DRC1: variants seen among roughly 807,000 people sequenced by gnomAD.
DRC1 encodes dynein regulatory complex protein 1.
In DRC1, 74 loss-of-function variants were observed where a neutral mutation model predicts 98.7. The observed-to-expected ratio is 0.75, with a 90% CI of 0.62 to 0.91. DRC1 has a LOEUF of 0.91. DRC1 is among the 40% of genes least tolerant of loss of function. The pLI, the probability that DRC1 is intolerant of heterozygous loss-of-function variation, is 0.00. For missense variants in DRC1, 875 were observed against 886.0 expected, an observed-to-expected ratio of 0.99 and a Z score of 0.16; for synonymous variants, 336 against 334.1, an observed-to-expected ratio of 1.01 and a Z score of -0.06.
At position 26,402,158 on chromosome 2, in the gene DRC1, C is replaced by A. The variant is rs1442260199; in HGVS notation, c.155+14C>A. 2 of 1,569,864 alleles carry A rather than the reference C, an allele frequency of 1.3e-6. No homozygotes were observed. The highest frequency in any genetic ancestry group is 1.7e-6 in the Non-Finnish European group (2 of 1,161,812). ...AGCCCGGAGGCGGTGAGCGCGGGGG[C>A]GGGCGGGGCGGGATCCGCGCCGCAG... On this transcript the variant is annotated intron_variant, in intron 1 of 16. Coordinates refer to ENST00000288710, the MANE Select transcript of DRC1 (RefSeq NM_145038.5).
rs567990764 is a variant in DRC1 at position 26,402,166 on chromosome 2, G to A, written c.155+22G>A. On this transcript the variant is annotated intron_variant, in intron 1 of 16. Coordinates refer to ENST00000288710, the MANE Select transcript of DRC1 (RefSeq NM_145038.5). The stretch of plus-strand genomic sequence containing the variant: ...GGCGGTGAGCGCGGGGGCGGGCGGG[G>A]CGGGATCCGCGCCGCAGGAGCCGGA... 449 of 1,557,664 alleles carry A rather than the reference G, an allele frequency of 2.9e-4. 3 individuals are homozygous for A. The South Asian group carries it at 5.0e-3, about 17-fold the overall frequency.
chr2:26,449,465 C>T lies in DRC1; in HGVS notation c.1510-531C>T, dbSNP rs537066539. On this transcript the variant is annotated intron_variant, in intron 11 of 16. Coordinates refer to ENST00000288710, the MANE Select transcript of DRC1 (RefSeq NM_145038.5). Reference sequence around the variant, plus strand: ...CTGAACCTGCAGCTGGATGCAGAGGCCACCTCCCCATGGAGCTCTCCCCCA... The same window carrying T: ...CTGAACCTGCAGCTGGATGCAGAGGTCACCTCCCCATGGAGCTCTCCCCCA... Among the ~76,000 whole-genome samples, 9 of 152,346 alleles carry T rather than the reference C, an allele frequency of 5.9e-5. No homozygotes were observed. The South Asian group carries it at 1.9e-3, about 32-fold the overall frequency.
At chr2:26,408,067 T>G (rs1678480891) in intron 1 of DRC1, among the ~76,000 whole-genome samples, 1 of 152,220 alleles carries the variant, frequency 6.6e-6, no homozygotes, top group Non-Finnish European at 1.5e-5. Context: ...GCTTCCTGCC[T>G]GCAGGTTGTG....
At chr2:26,433,202 A>G (rs1334465340) in intron 7 of DRC1, among the ~76,000 whole-genome samples, 1 of 152,226 alleles carries the variant, frequency 6.6e-6, no homozygotes, top group African/African-American at 2.4e-5. Flanking sequence ...CAGCTAAAAA[A>G]TGTATCTCTA....
chr2:26,423,443 G>A (rs766797436), intron 3 of DRC1, among the ~76,000 whole-genome samples: 1 of 152,158 alleles, frequency 6.6e-6, no homozygotes, highest in Admixed American at 6.5e-5. Flanking sequence ...CTGTTACAAG[G>A]AGCAGAGAGT....
chr2:26,420,464 C>T (rs960868261), intron 2 of DRC1, among the ~76,000 whole-genome samples: 3 of 152,168 alleles, frequency 2.0e-5, no homozygotes, highest in Non-Finnish European at 2.9e-5. Context: ...TCGAAAGGCT[C>T]CCGGCAGTGT....
At chr2:26,440,749 T>C (rs1663697631) in intron 8 of DRC1, among the ~76,000 whole-genome samples, 1 of 152,224 alleles carries the variant, frequency 6.6e-6, no homozygotes, top group Admixed American at 6.5e-5. Flanking sequence ...CTGTAACCAT[T>C]ATTTGTTTGT....
intron 7 of DRC1, 57 bp from the exon 8 acceptor site, chr2:26,440,321 G>T (rs1663683358): frequency 9.0e-7 from 1 of 1,108,644 alleles, no homozygotes; most frequent in East Asian, 6.1e-5. Context: ...TAGTGTGTTT[G>T]TGTGTGTGTG....
intron 2 of DRC1, among the ~76,000 whole-genome samples, chr2:26,415,633 T>TA (rs199832729): frequency 0.018 from 2,709 of 152,298 alleles, 40 homozygotes; most frequent in Middle Eastern, 0.045. Flanking sequence ...TCTCTTCATT[T>TA]AAAAGTCAGT....
chr2:26,448,309 A>G (rs1023685311), intron 10 of DRC1: 3 of 478,878 alleles, frequency 6.3e-6, no homozygotes, highest in African/African-American at 4.0e-5. Flanking sequence ...AATCTGTTGC[A>G]GGTTTAGAGA....
At chr2:26,412,809 G>A (rs1181056872) in intron 1 of DRC1, among the ~76,000 whole-genome samples, 2 of 151,930 alleles carry the variant, frequency 1.3e-5, no homozygotes, top group African/African-American at 2.4e-5. Context: ...ACAGAGTCTC[G>A]CTCTCCCGCC....
At chr2:26,431,801 T>C in intron 6 of DRC1, 83 bp from the exon 7 acceptor site, 1 of 1,573,984 alleles carries the variant, frequency 6.4e-7, no homozygotes, top group Non-Finnish European at 8.6e-7. Context: ...CTCTCCCCTG[T>C]GTCATGCTGG....
chr2:26,450,374 C>T (rs1299027486), intron 12 of DRC1, among the ~76,000 whole-genome samples: 1 of 152,276 alleles, frequency 6.6e-6, no homozygotes, highest in Non-Finnish European at 1.5e-5. Context: ...GGCATCCTCA[C>T]AGCCATGGGA....
chr2:26,456,273 C>T (rs1436785441), intron 16 of DRC1, among the ~76,000 whole-genome samples, 188 bp from the exon 17 acceptor site: 1 of 152,206 alleles, frequency 6.6e-6, no homozygotes, highest in Admixed American at 6.5e-5. Flanking sequence ...GGAGCAGAAG[C>T]TGAGCAAGAA....
intron 4 of DRC1, among the ~76,000 whole-genome samples, chr2:26,426,869 A>G (rs911662857): frequency 1.3e-5 from 2 of 152,202 alleles, no homozygotes; most frequent in African/African-American, 2.4e-5. Context: ...GGACATTTTT[A>G]ACAATATTGA....
Position 26,454,654 on chromosome 2 carries a change from C to A in DRC1, c.1927C>A (p.Arg643=). 6.2e-7 allele frequency: 1 copy of A among 1,614,004 alleles called. No individual in the cohort carries two copies. Among genetic ancestry groups the A allele is most frequent in the Non-Finnish European group, 8.5e-7 (1 of 1,179,996 alleles). The change falls in exon 15 of 17, where the codon CGG becomes AGG. Residue 643 remains arginine, a synonymous_variant. Coordinates refer to ENST00000288710, the MANE Select transcript of DRC1 (RefSeq NM_145038.5). This position sits in a 1 kb window ranked among gnomAD's most constrained non-coding sequence, Gnocchi z 5.2. ...VMGLKKPRDS[R]APLRVQKNVR... ...TGTGCTCTTGGCCTTCAGGGACTCG[C>A]GGGCCCCGCTGAGGGTACAGAAGAA...
Position 26,456,584 on chromosome 2 carries a change from A to G in DRC1, c.*67A>G. On this transcript the variant is annotated 3_prime_UTR_variant, in exon 17 of 17. Coordinates refer to ENST00000288710, the MANE Select transcript of DRC1 (RefSeq NM_145038.5). The stretch of plus-strand genomic sequence containing the variant: ...CTGGTGTCTGTGCCGGAGCCAGCTC[A>G]TATCACCCACTGGGCCGCACCTGGG... The G allele has an allele frequency of 6.3e-7, 1 of 1,595,346 alleles. No homozygotes were observed. The highest frequency in any genetic ancestry group is 8.6e-7 in the Non-Finnish European group (1 of 1,164,156).
intron 1 of DRC1, among the ~76,000 whole-genome samples, chr2:26,406,813 C>CTTT (rs5830010): frequency 0.021 from 2,131 of 101,438 alleles, 74 homozygotes; most frequent in African/African-American, 0.033. Context: ...TGTCACTTTC[C>CTTT]TTTTTTTTTT....
chr2:26,405,075 G>A (rs1678375026), intron 1 of DRC1, among the ~76,000 whole-genome samples: 1 of 152,180 alleles, frequency 6.6e-6, no homozygotes, highest in Non-Finnish European at 1.5e-5. Flanking sequence ...TGGGGACCCT[G>A]CTGCCTCTTC....
Sources: gnomAD v4.1 joint callset for allele counts (sites outside exome capture counted in the v4.1 genomes callset) on GRCh38, gnomAD v4.1.1 for gene constraint, Gnocchi (gnomAD v3.1) non-coding constraint, MANE v1.5 for transcripts, NCBI Gene and HGNC (gene_info 2026-07-23, HGNC 2026-07-21) for gene names.